Variants in GRIA1 observed in about 807,000 individuals in gnomAD.
The protein encoded by GRIA1 is glutamate ionotropic receptor AMPA type subunit 1, also known as glutamate receptor 1.
Under a neutral mutation model 99.2 loss-of-function variants are expected in GRIA1, and 31 were observed. The ratio of observed to expected loss-of-function variants is 0.31; its 90% CI spans 0.23 to 0.42. The LOEUF (loss-of-function observed/expected upper bound fraction) is 0.42, where lower values mean the gene tolerates loss of function less well. Among genes scored for constraint, GRIA1 ranks in the 10% least tolerant of loss-of-function variants. GRIA1 has a pLI of 1.00. For missense variants in GRIA1, 782 were observed against 1,157.5 expected, an observed-to-expected ratio of 0.68 and a Z score of 4.71; for synonymous variants, 438 against 432.4, an observed-to-expected ratio of 1.01 and a Z score of -0.16.
intron 2 of GRIA1, among the ~76,000 whole-genome samples, chr5:153,627,443 G>A (rs1767739158): frequency 1.3e-5 from 2 of 152,178 alleles, no homozygotes; most frequent in Admixed American, 1.3e-4. Context: ...AGGCACGTGA[G>A]CCCAAGTGTT....
At chr5:153,498,707 A>G (rs1208205659) in intron 2 of GRIA1, among the ~76,000 whole-genome samples, 1 of 152,170 alleles carries the variant, frequency 6.6e-6, no homozygotes, top group Non-Finnish European at 1.5e-5. Context: ...CATATTTGGC[A>G]TAAAAATCCA....
chr5:153,689,410 G>A (rs1162227834), intron 8 of GRIA1, among the ~76,000 whole-genome samples: 2 of 152,164 alleles, frequency 1.3e-5, no homozygotes, highest in African/African-American at 4.8e-5. Context: ...AGAACAAATT[G>A]GCATTTCTAC....
At chr5:153,587,433 A>G (rs1763586815) in intron 2 of GRIA1, among the ~76,000 whole-genome samples, 2 of 152,180 alleles carry the variant, frequency 1.3e-5, no homozygotes, top group Non-Finnish European at 2.9e-5. Context: ...ATCCAGTCTC[A>G]GGTATTTCTT....
chr5:153,552,056 A>G (rs2113546960), intron 2 of GRIA1, among the ~76,000 whole-genome samples: 1 of 152,246 alleles, frequency 6.6e-6, no homozygotes, highest in South Asian at 2.1e-4. Flanking sequence ...GACTCTTTCT[A>G]TGGGTAGATC....
chr5:153,527,967 C>T (rs1034334727), intron 2 of GRIA1, among the ~76,000 whole-genome samples: 4 of 152,152 alleles, frequency 2.6e-5, no homozygotes, highest in African/African-American at 9.7e-5. Context: ...ACACAATTAC[C>T]AACCATAGTT....
intron 11 of GRIA1, among the ~76,000 whole-genome samples, chr5:153,754,130 A>T (rs762049471): frequency 2.6e-4 from 39 of 152,184 alleles, no homozygotes; most frequent in Non-Finnish European, 5.4e-4. Flanking sequence ...AAAGGCTCTC[A>T]TTCCCAGCCC....
At chr5:153,641,716 C>T (rs1753789977) in intron 2 of GRIA1, among the ~76,000 whole-genome samples, 1 of 152,208 alleles carries the variant, frequency 6.6e-6, no homozygotes, top group Non-Finnish European at 1.5e-5. Context: ...ACCAAAACCT[C>T]TCTCCTGGCT....
rs147085776 is a variant in GRIA1 at position 153,672,523 on chromosome 5, A to G, written c.700-1977A>G. Among the ~76,000 whole-genome samples the G allele has an allele frequency of 6.1e-3, 933 of 152,196 alleles. 16 individuals carry two copies. The highest frequency in any genetic ancestry group is 0.021 in the African/African-American group (875 of 41,522). ...GAAATCACATTTCCAGGCAGAGAGA[A>G]TATCAAGGACAAAAGCTCTGAGTGT... On this transcript the variant is annotated intron_variant, in intron 5 of 15. Coordinates refer to ENST00000285900, the MANE Select transcript of GRIA1 (RefSeq NM_000827.4).
chr5:153,802,769 G>A (rs780275986), intron 15 of GRIA1, among the ~76,000 whole-genome samples: 1 of 152,182 alleles, frequency 6.6e-6, no homozygotes, highest in South Asian at 2.1e-4. Flanking sequence ...ACATGGATAG[G>A]TAGCGCAGCG....
intron 5 of GRIA1, among the ~76,000 whole-genome samples, chr5:153,670,580 C>A (rs918026616): frequency 6.6e-6 from 1 of 151,540 alleles, no homozygotes; most frequent in African/African-American, 2.4e-5. Context: ...ATATAATTAG[C>A]AATGTAGTAT....
At chr5:153,794,411 C>T (rs886775674) in intron 13 of GRIA1, among the ~76,000 whole-genome samples, 1 of 152,180 alleles carries the variant, frequency 6.6e-6, no homozygotes, top group African/African-American at 2.4e-5. Flanking sequence ...GTTACAATGA[C>T]GCCTCTCCAT....
chr5:153,804,323 C>G (rs971112273), intron 15 of GRIA1, among the ~76,000 whole-genome samples: 3 of 152,152 alleles, frequency 2.0e-5, no homozygotes, highest in Non-Finnish European at 4.4e-5. Context: ...CTCCAAGGAG[C>G]TTGGCTACAC....
intron 2 of GRIA1, among the ~76,000 whole-genome samples, chr5:153,505,649 C>G (rs1755421567): frequency 6.6e-6 from 1 of 152,196 alleles, no homozygotes; most frequent in Non-Finnish European, 1.5e-5. Flanking sequence ...TGTTTTGCAG[C>G]AATAGCTGGC....
chr5:153,521,962 T>G (rs1049136754), intron 2 of GRIA1, among the ~76,000 whole-genome samples: 15 of 152,198 alleles, frequency 9.9e-5, no homozygotes, highest in African/African-American at 3.6e-4. Flanking sequence ...GTCAATATAT[T>G]TATTTTTCTG....
intron 14 of GRIA1, among the ~76,000 whole-genome samples, chr5:153,796,748 G>T (rs1765669925): frequency 6.6e-6 from 1 of 152,158 alleles, no homozygotes; most frequent in Non-Finnish European, 1.5e-5. Context: ...ATAAAGCTGG[G>T]CATGAATTCA....
chr5:153,663,296 C>A (rs531345447), intron 5 of GRIA1, among the ~76,000 whole-genome samples: 2 of 152,358 alleles, frequency 1.3e-5, no homozygotes, highest in Non-Finnish European at 2.9e-5. Context: ...GGAATTCAAA[C>A]TTAAAACCTT....
chr5:153,497,646 T>C (rs1475620825), intron 2 of GRIA1, among the ~76,000 whole-genome samples: 2 of 152,200 alleles, frequency 1.3e-5, no homozygotes, highest in Non-Finnish European at 2.9e-5. Context: ...TGAATCAAGA[T>C]ATTCAAGAGT....
At chr5:153,622,780 G>A (rs1767183042) in intron 2 of GRIA1, among the ~76,000 whole-genome samples, 1 of 152,124 alleles carries the variant, frequency 6.6e-6, no homozygotes, top group Non-Finnish European at 1.5e-5. Context: ...GCTGGGCCCT[G>A]AAAATGTAAC....
intron 15 of GRIA1, among the ~76,000 whole-genome samples, chr5:153,804,280 G>T (rs139833820): frequency 2.4e-4 from 37 of 152,112 alleles, no homozygotes; most frequent in Admixed American, 5.2e-4. Flanking sequence ...AACTACAAAG[G>T]CATGGGCTTC....
Sources: gnomAD v4.1 joint callset for allele counts (sites outside exome capture counted in the v4.1 genomes callset) on GRCh38, gnomAD v4.1.1 for gene constraint, MANE v1.5 for transcripts, NCBI Gene and HGNC (gene_info 2026-07-23, HGNC 2026-07-21) for gene names.